The following LIG3 variants were observed in gnomAD, a reference collection of about 807,000 sequenced individuals.
LIG3 encodes DNA ligase 3, also known as ligase II, DNA, ATP-dependent.
In LIG3, 58 loss-of-function variants were observed where a neutral mutation model predicts 110.9. The observed-to-expected ratio is 0.52, with a 90% CI of 0.42 to 0.65. The LOEUF (loss-of-function observed/expected upper bound fraction) is 0.65. Among genes scored for constraint, LIG3 ranks in the 30% least tolerant of loss-of-function variants. The pLI is 0.00. For synonymous variants in LIG3, 422 were observed against 472.8 expected (o/e 0.89, Z 1.39); for missense variants, 1,094 against 1,273.8 (o/e 0.86, Z 2.15).
intron 13 of LIG3, 41 bp from the exon 14 acceptor site, chr17:34,998,563 T>C (rs2090805007): frequency 1.2e-6 from 2 of 1,609,014 alleles, no homozygotes; most frequent in Admixed American, 3.4e-5. Context: ...CCTCATGGAG[T>C]TGCCTTTCTA....
chr17:34,993,392 T>C (rs957276058), intron 8 of LIG3, among the ~76,000 whole-genome samples: 1 of 152,226 alleles, frequency 6.6e-6, no homozygotes, highest in African/African-American at 2.4e-5. Context: ...TAGGCAAGTG[T>C]TCTCTCCCTG....
At chr17:35,000,143 C>T (rs1041450100) in intron 16 of LIG3, among the ~76,000 whole-genome samples, 1 of 152,204 alleles carries the variant, frequency 6.6e-6, no homozygotes, top group Admixed American at 6.5e-5. Flanking sequence ...CCTTCTTGTA[C>T]CGACCAAGAA....
In LIG3 at chr17:34,989,596, C is replaced by T. The variant is rs770153593; in HGVS notation, c.822C>T (p.Ala274=). ...REFRKLCAMV[A]DNPSYNTKTQ... is the part of the protein sequence containing the mutation. ...TTCGAAAGTTATGCGCCATGGTGGCCGATAATCCTAGCTACAACACGAAGA... is the reference window on the plus strand; with the variant it reads ...TTCGAAAGTTATGCGCCATGGTGGCTGATAATCCTAGCTACAACACGAAGA... The change falls in exon 4 of 20, where the codon GCC becomes GCT. Residue 274 remains alanine (A), a synonymous_variant. Transcript: ENST00000378526. 2.5e-6 allele frequency: 4 copies of T among 1,614,014 alleles called. No individual in the cohort carries two copies. Among genetic ancestry groups the T allele is most frequent in the Middle Eastern group, 1.6e-4 (1 of 6,062 alleles).
intron 17 of LIG3, among the ~76,000 whole-genome samples, 188 bp downstream of exon 17, chr17:35,001,591 C>T (rs1462482788): frequency 2.0e-5 from 3 of 152,212 alleles, no homozygotes; most frequent in Non-Finnish European, 4.4e-5. Flanking sequence ...AGACCTCCTT[C>T]TCCCTCCATC....
rs765064294 is a variant in LIG3 at position 34,990,963 on chromosome 17, A to T, written c.890A>T (p.Asp297Val). 6.8e-6 allele frequency: 11 copies of T among 1,613,604 alleles called. No individual in the cohort carries two copies. Among genetic ancestry groups the T allele is most frequent in the Middle Eastern group, 1.6e-4 (1 of 6,084 alleles). ...QDFLRKGSAG[D>V]GFHGDVYLTV... ...CAAGAAGGGTTCCTTCTGTCTCCAGATGGTTTCCACGGTGATGTGTACCTA... is the reference window on the plus strand; with the variant it reads ...CAAGAAGGGTTCCTTCTGTCTCCAGTTGGTTTCCACGGTGATGTGTACCTA... Residue 297 changes from aspartate (D) to valine (V), a missense_variant and splice_region_variant, in exon 5 of 20, where the codon GAT (aspartate) becomes GTT (valine). Physicochemically the swap from Asp to Val is radical, Grantham distance 152. Coordinates refer to ENST00000378526, the MANE Select transcript of LIG3 (RefSeq NM_013975.4).
intron 3 of LIG3, among the ~76,000 whole-genome samples, chr17:34,989,024 T>G (rs530487332): frequency 7.4e-4 from 112 of 152,280 alleles, no homozygotes; most frequent in Middle Eastern, 3.4e-3. Context: ...CTTTTTTTTT[T>G]TGAGGCAGGA....
At position 35,005,354 on chromosome 17, in the gene LIG3, T is replaced by G. The variant is rs763139130; in HGVS notation, c.*848T>G. Reference sequence around the variant, plus strand: ...AGTGCTCGAGTGTTCCAACCTGAAGTTGAAGAAGCCACCCTGGCTGCACAT... The same window carrying G: ...AGTGCTCGAGTGTTCCAACCTGAAGGTGAAGAAGCCACCCTGGCTGCACAT... On this transcript the variant is annotated 3_prime_UTR_variant, in exon 20 of 20. Transcript: ENST00000378526. 3 of 555,886 alleles carry G rather than the reference T, an allele frequency of 5.4e-6. No homozygotes were observed. Among genetic ancestry groups the G allele is most frequent in the Non-Finnish European group, 1.1e-5 (3 of 273,900 alleles). 34.4% of individuals were successfully genotyped at this position (555,886 alleles called of 1,614,324 possible).
intron 1 of LIG3, among the ~76,000 whole-genome samples, chr17:34,981,862 T>C (rs536820090): frequency 1.3e-4 from 20 of 152,364 alleles, no homozygotes; most frequent in African/African-American, 4.3e-4. Flanking sequence ...ATAATCTTTT[T>C]CCATTTGGAT....
At chr17:34,987,968 G>A (rs2090675628) in intron 3 of LIG3, among the ~76,000 whole-genome samples, 1 of 151,948 alleles carries the variant, frequency 6.6e-6, no homozygotes, top group African/African-American at 2.4e-5. Context: ...GCCGAGGCGG[G>A]CGGATCACGA....
chr17:34,990,820 C>G (rs1335176924), intron 4 of LIG3, 143 bp from the exon 5 acceptor site: 3 of 697,388 alleles, frequency 4.3e-6, no homozygotes, highest in Non-Finnish European at 7.0e-6. Flanking sequence ...TGGTCTCAAA[C>G]TTGTGAGCTT....
At chr17:34,988,122 G>GTCTGC (rs1305052130) in intron 3 of LIG3, among the ~76,000 whole-genome samples, 2 of 150,628 alleles carry the variant, frequency 1.3e-5, no homozygotes, top group Admixed American at 6.6e-5. Flanking sequence ...GAACCCTGGG[G>GTCTGC]GCAGAGCCTG....
intron 5 of LIG3, chr17:34,991,464 G>T (rs985181420): frequency 6.5e-6 from 4 of 613,386 alleles, no homozygotes; most frequent in Non-Finnish European, 1.1e-5. Context: ...TGGTTTGTCC[G>T]TGACTCTATC....
intron 19 of LIG3, chr17:35,003,672 G>C (rs1027482745): frequency 6.4e-6 from 1 of 157,338 alleles, no homozygotes; most frequent in Non-Finnish European, 1.4e-5. Flanking sequence ...AACTCTGGGG[G>C]AGCTGATGCC....
intron 10 of LIG3, 64 bp from the exon 11 acceptor site, chr17:34,996,510 A>G (rs2090779444): frequency 2.4e-6 from 3 of 1,274,596 alleles, no homozygotes; most frequent in Non-Finnish European, 3.4e-6. Context: ...GTGGACTGGT[A>G]CTCCTTATTT....
chr17:35,002,927 C>T (rs572273903), intron 19 of LIG3, 138 bp downstream of exon 19: 1 of 1,607,080 alleles, frequency 6.2e-7, no homozygotes, highest in African/African-American at 1.3e-5. Context: ...CTGCCTGCAG[C>T]CACTCCTCTG....
chr17:34,992,256 A>T (rs111739899), intron 7 of LIG3, among the ~76,000 whole-genome samples: 8 of 152,330 alleles, frequency 5.3e-5, no homozygotes, highest in African/African-American at 1.7e-4. Context: ...TTACAGTTGA[A>T]GTGTGGCATA....
At chr17:34,990,865 G>C in intron 4 of LIG3, 98 bp from the exon 5 acceptor site, 1 of 1,154,404 alleles carries the variant, frequency 8.7e-7, no homozygotes, top group African/African-American at 1.6e-5. Context: ...CCAAAGTGCT[G>C]AGATTACAGG....
chr17:35,004,161 C>T (rs1240118375), intron 19 of LIG3, 112 bp from the exon 20 acceptor site: 1 of 730,858 alleles, frequency 1.4e-6, no homozygotes, highest in African/African-American at 1.8e-5. Context: ...GTAAACTTCT[C>T]TGCTTGTGTC....
rs1478722637 is a variant in LIG3 at position 35,006,407 on chromosome 17, C to T, written c.*1901C>T. ...GACTCCTGAAACTTAATGGCTCTAACCTTAGGCAAGTTACGTTAACATCTA... is the reference window on the plus strand; with the variant it reads ...GACTCCTGAAACTTAATGGCTCTAATCTTAGGCAAGTTACGTTAACATCTA... On this transcript the variant is annotated 3_prime_UTR_variant, in exon 20 of 20. Coordinates refer to ENST00000378526, the MANE Select transcript of LIG3 (RefSeq NM_013975.4). 1 of 152,332 alleles carries T rather than the reference C, an allele frequency of 6.6e-6. No individual in the cohort carries two copies. The highest frequency in any genetic ancestry group is 1.5e-5 in the Non-Finnish European group (1 of 68,170). The allele number at this position is 152,332 out of a possible 1,614,324, so 9.4% of individuals were successfully genotyped here. A position where few individuals can be genotyped will look rare whatever the true frequency, so the allele number is the denominator to read the frequency against.
Sources: gnomAD v4.1 joint callset for allele counts (sites outside exome capture counted in the v4.1 genomes callset) on GRCh38, gnomAD v4.1.1 for gene constraint, MANE v1.5 for transcripts, NCBI Gene and HGNC (gene_info 2026-07-23, HGNC 2026-07-21) for gene names.